Variants in DPYSL5 observed in about 807,000 individuals in gnomAD.
The protein encoded by DPYSL5 is dihydropyrimidinase-related protein 5.
A neutral mutation model predicts 58.4 loss-of-function variants in DPYSL5; 9 were observed. The observed-to-expected ratio is 0.15, with a 90% CI of 0.09 to 0.27. DPYSL5 has a LOEUF of 0.27. Among genes scored for constraint, DPYSL5 ranks in the 10% least tolerant of loss-of-function variants. The pLI, the probability that DPYSL5 is intolerant of heterozygous loss-of-function variation, is 1.00. For synonymous variants in DPYSL5, 293 were observed against 301.9 expected, an observed-to-expected ratio of 0.97 and a Z score of 0.31; for missense variants, 499 against 770.6, an observed-to-expected ratio of 0.65 and a Z score of 4.17.
At chr2:26,874,471 A>G (rs1402626877) in intron 1 of DPYSL5, among the ~76,000 whole-genome samples, 1 of 151,942 alleles carries the variant, frequency 6.6e-6, no homozygotes, top group Non-Finnish European at 1.5e-5. Flanking sequence ...TTGAAAGACT[A>G]CTCTTTCCCG....
intron 1 of DPYSL5, among the ~76,000 whole-genome samples, chr2:26,889,090 A>G (rs1663804297): frequency 6.6e-6 from 1 of 152,140 alleles, no homozygotes; most frequent in African/African-American, 2.4e-5. Context: ...AAATACTGTC[A>G]CACAGGAGAT....
intron 1 of DPYSL5, among the ~76,000 whole-genome samples, chr2:26,892,592 C>T (rs980217567): frequency 6.6e-6 from 1 of 151,796 alleles, no homozygotes; most frequent in South Asian, 2.1e-4. Flanking sequence ...GTCTCAGTTA[C>T]TCAAGAGGCT....
At chr2:26,930,867 G>C (rs1209641960) in intron 5 of DPYSL5, among the ~76,000 whole-genome samples, 1 of 151,634 alleles carries the variant, frequency 6.6e-6, no homozygotes, top group Non-Finnish European at 1.5e-5. Flanking sequence ...CCAGCTACGC[G>C]GGAGGCTGGG....
intron 2 of DPYSL5, among the ~76,000 whole-genome samples, chr2:26,903,158 C>T (rs1328340974): frequency 6.6e-6 from 1 of 151,732 alleles, no homozygotes; most frequent in Non-Finnish European, 1.5e-5. Flanking sequence ...CAACCTCTGT[C>T]GCCTGGGTTC....
chr2:26,880,933 G>T (rs1386222302), intron 1 of DPYSL5, among the ~76,000 whole-genome samples: 1 of 152,242 alleles, frequency 6.6e-6, no homozygotes, highest in Non-Finnish European at 1.5e-5. Flanking sequence ...GCTTCAGTCT[G>T]TTGGGCATGA....
In DPYSL5 at chr2:26,944,224, G is replaced by A. The variant is rs1441164822; in HGVS notation, c.1441-432G>A. Among the ~76,000 whole-genome samples, 3 of 152,164 alleles carry A rather than the reference G, an allele frequency of 2.0e-5. No individual in the cohort carries two copies. Among genetic ancestry groups the A allele is most frequent in the African/African-American group, 7.2e-5 (3 of 41,440 alleles). On this transcript the variant is annotated intron_variant, in intron 11 of 12. Coordinates refer to ENST00000288699, the MANE Select transcript of DPYSL5 (RefSeq NM_020134.4). This position sits in a 1 kb window ranked among gnomAD's most constrained non-coding sequence, Gnocchi z 4.4. Reference sequence around the variant, plus strand: ...GAATCACTTTGCGGGGGCGGAGGTTGCAGTGAGCCAAGATCGCACCACTGC... The same window carrying A: ...GAATCACTTTGCGGGGGCGGAGGTTACAGTGAGCCAAGATCGCACCACTGC...
chr2:26,924,790 C>T lies in DPYSL5; in HGVS notation c.262-97C>T. On this transcript the variant is annotated intron_variant, in intron 2 of 12. Transcript: ENST00000288699. The surrounding 1 kb of genome is among the most constrained non-coding windows in gnomAD (Gnocchi z 4.7). ...CCTCACAGCCTCTTGTGAGGCAGGG[C>T]CTGTCTTTGAATGGACCATGAGGAC... The T allele has an allele frequency of 1.4e-6, 2 of 1,466,272 alleles. No homozygotes were observed. Among genetic ancestry groups the T allele is most frequent in the Non-Finnish European group, 9.1e-7 (1 of 1,096,996 alleles). 90.8% of individuals were successfully genotyped at this position (1,466,272 alleles called of 1,614,324 possible).
chr2:26,932,834 C>A (rs1253198600), intron 6 of DPYSL5, among the ~76,000 whole-genome samples: 1 of 152,222 alleles, frequency 6.6e-6, no homozygotes, highest in Non-Finnish European at 1.5e-5. Context: ...TACTGATAAG[C>A]AGCCTTCAGA....
intron 1 of DPYSL5, among the ~76,000 whole-genome samples, chr2:26,882,111 A>AGAAAG (rs1553315821): frequency 7.4e-5 from 11 of 149,182 alleles, no homozygotes; most frequent in African/African-American, 1.2e-4. Flanking sequence ...AAAAAAAAAA[A>AGAAAG]AGAAAGAAAG....
chr2:26,891,229 G>A (rs1487047131), intron 1 of DPYSL5, among the ~76,000 whole-genome samples: 1 of 152,166 alleles, frequency 6.6e-6, no homozygotes, highest in Non-Finnish European at 1.5e-5. Context: ...CACACAATGG[G>A]CATAGCGAAG....
At chr2:26,923,666 A>T (rs1474755022) in intron 2 of DPYSL5, among the ~76,000 whole-genome samples, 3 of 152,128 alleles carry the variant, frequency 2.0e-5, no homozygotes, top group Admixed American at 6.6e-5. Flanking sequence ...TAATTTAATT[A>T]ATTTATTTAT....
At chr2:26,856,561 C>T (rs747046355) in intron 1 of DPYSL5, among the ~76,000 whole-genome samples, 10 of 151,922 alleles carry the variant, frequency 6.6e-5, no homozygotes, top group Non-Finnish European at 1.0e-4. Flanking sequence ...GGATAGTTTC[C>T]GGTTTGGGGC....
chr2:26,949,283 G>C lies in DPYSL5; in HGVS notation c.*2288G>C, dbSNP rs1280898910. 2 of 152,286 alleles carry C rather than the reference G, an allele frequency of 1.3e-5. No homozygotes were observed. The highest frequency in any genetic ancestry group is 2.9e-5 in the Non-Finnish European group (2 of 68,084). The allele number at this position is 152,286 out of a possible 1,614,324, so 9.4% of individuals were successfully genotyped here. A position where few individuals can be genotyped will look rare whatever the true frequency, so the allele number is the denominator to read the frequency against. ...ACCCATTGGGGGCTAACCGTGCAGT[G>C]TGAGCTGCGTCCACACCCTCACTTC... On this transcript the variant is annotated 3_prime_UTR_variant, in exon 13 of 13. Transcript: ENST00000288699.
chr2:26,871,361 G>T (rs1445306697), intron 1 of DPYSL5, among the ~76,000 whole-genome samples: 1 of 152,068 alleles, frequency 6.6e-6, no homozygotes, highest in African/African-American at 2.4e-5. Flanking sequence ...TTAAATTTTT[G>T]AAAGAAACAT....
intron 1 of DPYSL5, among the ~76,000 whole-genome samples, chr2:26,850,339 A>G (rs536694558): frequency 5.9e-5 from 9 of 152,074 alleles, no homozygotes; most frequent in African/African-American, 1.7e-4. Context: ...GGAAGCTTAA[A>G]ACAGGCTTTC....
chr2:26,869,095 G>T (rs976808537), intron 1 of DPYSL5, among the ~76,000 whole-genome samples: 10 of 152,124 alleles, frequency 6.6e-5, no homozygotes, highest in Admixed American at 2.0e-4. Flanking sequence ...CTCCTGAGTA[G>T]CTGGGACTAT....
intron 1 of DPYSL5, among the ~76,000 whole-genome samples, chr2:26,895,977 A>G (rs1265812132): frequency 1.3e-5 from 2 of 151,250 alleles, no homozygotes; most frequent in Non-Finnish European, 2.9e-5. Flanking sequence ...ACGGGGTTTC[A>G]CTATCTTGGG....
At chr2:26,946,833 G>A in intron 12 of DPYSL5, 77 bp from the exon 13 acceptor site, 1 of 1,119,178 alleles carries the variant, frequency 8.9e-7, no homozygotes, top group Non-Finnish European at 1.3e-6. Flanking sequence ...CACACAGTGA[G>A]CCTCCAGGAG....
intron 6 of DPYSL5, among the ~76,000 whole-genome samples, chr2:26,932,374 A>G (rs1665056607): frequency 6.6e-6 from 1 of 152,082 alleles, no homozygotes; most frequent in Non-Finnish European, 1.5e-5. Context: ...CCAGCTTTCC[A>G]TTCCACCCCG....
Sources: gnomAD v4.1 joint callset for allele counts (sites outside exome capture counted in the v4.1 genomes callset) on GRCh38, gnomAD v4.1.1 for gene constraint, Gnocchi (gnomAD v3.1) non-coding constraint, MANE v1.5 for transcripts, NCBI Gene and HGNC (gene_info 2026-07-23, HGNC 2026-07-21) for gene names.